BRD10: variants seen among roughly 807,000 people sequenced by gnomAD.
BRD10 encodes uncharacterized bromodomain-containing protein 10.
chr9:5,931,538 A>G, the BRD10 span, among the ~76,000 whole-genome samples: 1 of 152,154 alleles, frequency 6.6e-6, no homozygotes, highest in African/African-American at 2.4e-5. Context: ...CTTTCATACA[A>G]CTTACCCACT....
At chr9:5,916,203 G>T in the BRD10 span, among the ~76,000 whole-genome samples, 1 of 152,134 alleles carries the variant, frequency 6.6e-6, no homozygotes, top group Non-Finnish European at 1.5e-5. Context: ...CAGGTAAACT[G>T]TTTATCATTT....
At chr9:5,970,494 G>C in the BRD10 span, among the ~76,000 whole-genome samples, 2 of 152,056 alleles carry the variant, frequency 1.3e-5, no homozygotes, top group Non-Finnish European at 2.9e-5. Context: ...GCAAAGATAG[G>C]CATTTAAGTC....
chr9:5,980,410 T>C, the BRD10 span, among the ~76,000 whole-genome samples: 1 of 152,256 alleles, frequency 6.6e-6, no homozygotes, highest in East Asian at 1.9e-4. Flanking sequence ...TCCAAAGCTG[T>C]CCAAACTAAT....
the BRD10 span, among the ~76,000 whole-genome samples, chr9:5,911,913 A>G: frequency 2.0e-5 from 3 of 152,022 alleles, no homozygotes; most frequent in Non-Finnish European, 4.4e-5. Context: ...TTATTTTTCT[A>G]TTTCTATGAA....
the BRD10 span, among the ~76,000 whole-genome samples, chr9:5,880,761 G>A: frequency 6.7e-6 from 1 of 149,492 alleles, no homozygotes; most frequent in Non-Finnish European, 1.5e-5. Flanking sequence ...CTGGAGTGCA[G>A]TGGTGCCATC....
the BRD10 span, among the ~76,000 whole-genome samples, chr9:5,973,586 T>A: frequency 6.6e-6 from 1 of 152,030 alleles, no homozygotes; most frequent in East Asian, 1.9e-4. Context: ...AATCAATATC[T>A]AACATACAAC....
chr9:5,922,821 T>C, the BRD10 span: 1 of 1,614,002 alleles, frequency 6.2e-7, no homozygotes, highest in South Asian at 1.1e-5. Context: ...AAAGGACCTT[T>C]TGTATTGGTG....
chr9:5,984,091 T>C, the BRD10 span, among the ~76,000 whole-genome samples: 297 of 151,984 alleles, frequency 2.0e-3, no homozygotes, highest in Non-Finnish European at 3.3e-3. Flanking sequence ...GGCAGACCTA[T>C]ATTACAAGAA....
At chr9:5,902,495 C>CA in the BRD10 span, among the ~76,000 whole-genome samples, 1 of 150,228 alleles carries the variant, frequency 6.7e-6, no homozygotes. Context: ...GACAGGGTCT[C>CA]ATTCTGTCAT....
At chr9:5,882,624 A>G in the BRD10 span, among the ~76,000 whole-genome samples, 1 of 152,194 alleles carries the variant, frequency 6.6e-6, no homozygotes, top group African/African-American at 2.4e-5. Flanking sequence ...CACCCATGTT[A>G]TTGATCTTTG....
At chr9:5,894,111 C>A in the BRD10 span, among the ~76,000 whole-genome samples, 1 of 152,046 alleles carries the variant, frequency 6.6e-6, no homozygotes, top group South Asian at 2.1e-4. The surrounding 1 kb of genome is among the most constrained non-coding windows in gnomAD (Gnocchi z 4.0). Context: ...TCCCATCCGA[C>A]GAGAGGCTAG....
chr9:5,889,927 C>T, the BRD10 span, among the ~76,000 whole-genome samples: 1 of 152,286 alleles, frequency 6.6e-6, no homozygotes, highest in East Asian at 1.9e-4. Context: ...ATCCCTTTCA[C>T]ATAGATGGAA....
the BRD10 span, among the ~76,000 whole-genome samples, chr9:5,941,368 T>C: frequency 3.3e-5 from 5 of 152,208 alleles, no homozygotes; most frequent in Non-Finnish European, 7.4e-5. Context: ...ATTTCTTCTT[T>C]AGATCATGAA....
At chr9:5,913,927 A>G in the BRD10 span, 2 of 419,624 alleles carry the variant, frequency 4.8e-6, no homozygotes, top group Middle Eastern at 3.4e-4. Flanking sequence ...CATCAGAAGC[A>G]TGACGCCTAC....
At chr9:5,893,269 A>G in the BRD10 span, among the ~76,000 whole-genome samples, 1 of 152,098 alleles carries the variant, frequency 6.6e-6, no homozygotes, top group African/African-American at 2.4e-5. Flanking sequence ...GGGAGTGGGA[A>G]AGGGACATAC....
the BRD10 span, among the ~76,000 whole-genome samples, chr9:5,984,889 T>C: frequency 6.6e-6 from 1 of 152,074 alleles, no homozygotes; most frequent in Non-Finnish European, 1.5e-5. Flanking sequence ...TTCCCAGGAT[T>C]TTTCTGCAGA....
At chr9:5,922,766 T>A in the BRD10 span, 1 of 1,613,974 alleles carries the variant, frequency 6.2e-7, no homozygotes, top group South Asian at 1.1e-5. Context: ...ATTTTGAAGA[T>A]CTATTGGCAA....
the BRD10 span, among the ~76,000 whole-genome samples, chr9:5,974,930 C>G: frequency 6.6e-6 from 1 of 152,122 alleles, no homozygotes; most frequent in African/African-American, 2.4e-5. Flanking sequence ...ATAAAAGAGT[C>G]AGAATAATAA....
At chr9:5,999,158 T>C in the BRD10 span, among the ~76,000 whole-genome samples, 1 of 152,038 alleles carries the variant, frequency 6.6e-6, no homozygotes, top group Non-Finnish European at 1.5e-5. Context: ...GGTAGTAGAC[T>C]AACTTAAACT....
Sources: allele counts gnomAD v4.1 joint callset (sites outside exome capture counted in the v4.1 genomes callset), GRCh38; gene constraint gnomAD v4.1.1; non-coding constraint Gnocchi (gnomAD v3.1); transcripts MANE v1.5; gene names NCBI Gene and HGNC (gene_info 2026-07-23, HGNC 2026-07-21).